The following TRAPPC9 variants were observed in gnomAD, a reference collection of about 807,000 sequenced individuals.
TRAPPC9 encodes the protein IKK2 binding protein.
Under a neutral mutation model 124.0 loss-of-function variants are expected in TRAPPC9, and 83 were observed. The observed-to-expected ratio is 0.67, with a 90% confidence interval of 0.56 to 0.80. The LOEUF is 0.80. Among genes scored for constraint, TRAPPC9 ranks in the 30% least tolerant of loss-of-function variants. The pLI is 0.00. For synonymous variants in TRAPPC9, 638 were observed against 617.5 expected (o/e 1.03, Z -0.49); for missense variants, 1,302 against 1,508.3 (o/e 0.86, Z 2.27).
intron 21 of TRAPPC9, among the ~76,000 whole-genome samples, chr8:139,797,338 C>A (rs61316837): frequency 6.6e-6 from 1 of 152,178 alleles, no homozygotes; most frequent in East Asian, 1.9e-4. Flanking sequence ...TGGCTCACTG[C>A]GACTTCCGCC....
intron 4 of TRAPPC9, among the ~76,000 whole-genome samples, chr8:140,430,550 T>A (rs1185654817): frequency 1.3e-5 from 2 of 152,236 alleles, no homozygotes; most frequent in Non-Finnish European, 2.9e-5. Context: ...CGTAGGAAGG[T>A]CTGCTGTGGC....
At chr8:139,928,001 C>T (rs377696766) in intron 19 of TRAPPC9, among the ~76,000 whole-genome samples, 4 of 152,344 alleles carry the variant, frequency 2.6e-5, no homozygotes, top group South Asian at 4.1e-4. Context: ...ATTTGTTATA[C>T]TGAATGTGCT....
At chr8:140,170,063 T>G (rs187779878) in intron 17 of TRAPPC9, among the ~76,000 whole-genome samples, 1 of 152,326 alleles carries the variant, frequency 6.6e-6, no homozygotes, top group East Asian at 1.9e-4. Context: ...ACATGACTTT[T>G]TAAAAGCATT....
intron 21 of TRAPPC9, among the ~76,000 whole-genome samples, chr8:139,857,072 G>GGGAGTGCCTGCCCTGCATTT: frequency 6.6e-6 from 1 of 151,726 alleles, no homozygotes; most frequent in African/African-American, 2.4e-5. Flanking sequence ...TCAGACAGAG[G>GGGAGTGCCTGCCCTGCATTT]TGAAAGAGCA....
At chr8:139,910,062 G>T in intron 20 of TRAPPC9, 85 bp downstream of exon 20, 1 of 1,497,408 alleles carries the variant, frequency 6.7e-7, no homozygotes, top group Non-Finnish European at 9.1e-7. Flanking sequence ...AAATTCAATA[G>T]CTAAGACCCT....
intron 9 of TRAPPC9, among the ~76,000 whole-genome samples, chr8:140,357,646 C>T (rs575145996): frequency 1.3e-5 from 2 of 152,198 alleles, no homozygotes; most frequent in African/African-American, 2.4e-5. Flanking sequence ...AACATTCACT[C>T]GAGCAGGTAA....
chr8:139,764,737 C>G (rs1371656014), intron 21 of TRAPPC9, among the ~76,000 whole-genome samples: 3 of 152,118 alleles, frequency 2.0e-5, no homozygotes, highest in African/African-American at 7.2e-5. Context: ...AGGAAGACAG[C>G]TGGATCTGGA....
intron 21 of TRAPPC9, among the ~76,000 whole-genome samples, chr8:139,747,729 T>G (rs1219548013): frequency 2.1e-4 from 6 of 28,338 alleles, no homozygotes; most frequent in African/African-American, 3.5e-4. Context: ...AGGTGGGAGG[T>G]GTGCAGGGAT....
At chr8:139,985,801 T>C (rs563836780) in intron 19 of TRAPPC9, among the ~76,000 whole-genome samples, 1 of 152,280 alleles carries the variant, frequency 6.6e-6, no homozygotes, top group East Asian at 1.9e-4. Context: ...TGCATTAGCA[T>C]GGAAATGAAT....
At chr8:140,156,705 GTCTGTT>G (rs1298704873) in intron 17 of TRAPPC9, among the ~76,000 whole-genome samples, 2 of 152,192 alleles carry the variant, frequency 1.3e-5, no homozygotes, top group African/African-American at 2.4e-5. Context: ...AAGAAAAATC[GTCTGTT>G]TCTAAGTTAC....
chr8:140,221,382 T>C, intron 17 of TRAPPC9, 77 bp downstream of exon 17: 1 of 1,596,652 alleles, frequency 6.3e-7, no homozygotes, highest in Non-Finnish European at 8.6e-7. Context: ...TGAAAAGGAC[T>C]CAGAGCTGTG....
intron 21 of TRAPPC9, among the ~76,000 whole-genome samples, chr8:139,837,201 T>C (rs1826418282): frequency 6.6e-6 from 1 of 152,188 alleles, no homozygotes; most frequent in Non-Finnish European, 1.5e-5. Flanking sequence ...ACCATCACCG[T>C]GACACACATG....
intron 21 of TRAPPC9, among the ~76,000 whole-genome samples, chr8:139,808,016 CTAAGAGGAGG>C (rs1824186950): frequency 1.3e-5 from 2 of 152,078 alleles, no homozygotes; most frequent in South Asian, 4.2e-4. Context: ...TCTTGTTGAC[CTAAGAGGAGG>C]GCAGGAGGTG....
intron 20 of TRAPPC9, among the ~76,000 whole-genome samples, chr8:139,908,341 C>T (rs543478402): frequency 2.9e-4 from 44 of 152,284 alleles, no homozygotes; most frequent in Middle Eastern, 3.4e-3. Context: ...ATGGGGCGCC[C>T]GGCCAGAGGC....
At chr8:139,989,378 C>T (rs191784669) in intron 18 of TRAPPC9, among the ~76,000 whole-genome samples, 6 of 152,304 alleles carry the variant, frequency 3.9e-5, no homozygotes, top group East Asian at 3.9e-4. Context: ...GCAGACACTG[C>T]GGGGTCTACT....
intron 17 of TRAPPC9, among the ~76,000 whole-genome samples, chr8:140,036,457 G>C (rs1354743095): frequency 6.6e-6 from 1 of 150,656 alleles, no homozygotes; most frequent in African/African-American, 2.5e-5. Flanking sequence ...GGGAAGCCAC[G>C]GATCTCTTCA....
intron 18 of TRAPPC9, among the ~76,000 whole-genome samples, chr8:140,013,253 C>T (rs1035939697): frequency 1.1e-4 from 16 of 152,164 alleles, no homozygotes; most frequent in Non-Finnish European, 1.8e-4. Context: ...CCCGCCTCTC[C>T]GTGCACTCCT....
At chr8:139,774,888 G>T (rs982325720) in intron 21 of TRAPPC9, among the ~76,000 whole-genome samples, 1 of 152,160 alleles carries the variant, frequency 6.6e-6, no homozygotes, top group African/African-American at 2.4e-5. Context: ...GTGCCCGGAG[G>T]GGGACAGAGA....
chr8:139,990,378 G>A (rs1309994209), intron 18 of TRAPPC9, among the ~76,000 whole-genome samples: 1 of 152,108 alleles, frequency 6.6e-6, no homozygotes, highest in Non-Finnish European at 1.5e-5. Context: ...AGCCACACAT[G>A]TCCGCGGCAA....
Sources: allele counts gnomAD v4.1 joint callset (sites outside exome capture counted in the v4.1 genomes callset), GRCh38; gene constraint gnomAD v4.1.1; transcripts MANE v1.5; gene names NCBI Gene and HGNC (gene_info 2026-07-23, HGNC 2026-07-21).